Variants in SPIDR observed in about 807,000 individuals in gnomAD.
The protein encoded by SPIDR is scaffold protein involved in DNA repair.
SPIDR carries 93 observed loss-of-function variants against 104.6 expected under a neutral mutation model. That is an observed-to-expected ratio of 0.89 (90% CI 0.75 to 1.06). The LOEUF (loss-of-function observed/expected upper bound fraction) is 1.06, where lower values mean the gene tolerates loss of function less well. Ranked by LOEUF, SPIDR falls within the 50% of genes least tolerant of loss-of-function variation. The probability of loss-of-function intolerance (pLI) is 0.00; values close to 1 mark genes in which losing one functional copy is unlikely to be tolerated. For missense variants in SPIDR, 1,154 were observed against 1,111.2 expected (o/e 1.04, Z -0.55); for synonymous variants, 431 against 416.9 (o/e 1.03, Z -0.41).
intron 5 of SPIDR, among the ~76,000 whole-genome samples, chr8:47,354,788 C>T (rs934715057): frequency 1.3e-5 from 2 of 151,708 alleles, no homozygotes; most frequent in East Asian, 1.9e-4. Flanking sequence ...ACTGTAGGCA[C>T]GTACCACCAT....
At chr8:47,583,508 T>C (rs1410250389) in intron 8 of SPIDR, among the ~76,000 whole-genome samples, 2 of 152,178 alleles carry the variant, frequency 1.3e-5, no homozygotes, top group Non-Finnish European at 2.9e-5. Flanking sequence ...TTTTTGTTTG[T>C]CATATAACAT....
chr8:47,600,645 G>A (rs1378460783), intron 10 of SPIDR, among the ~76,000 whole-genome samples: 3 of 152,086 alleles, frequency 2.0e-5, no homozygotes, highest in Non-Finnish European at 4.4e-5. Context: ...TCTACCCTTT[G>A]CCCTAAATCT....
chr8:47,621,429 C>G (rs968020496), intron 10 of SPIDR, among the ~76,000 whole-genome samples: 5 of 152,192 alleles, frequency 3.3e-5, no homozygotes, highest in Admixed American at 6.5e-5. Context: ...TTGGCTGCCT[C>G]GTCTGTAGAT....
chr8:47,312,374 A>G (rs1554585998), intron 5 of SPIDR, among the ~76,000 whole-genome samples: 1 of 152,200 alleles, frequency 6.6e-6, no homozygotes, highest in Non-Finnish European at 1.5e-5. Flanking sequence ...CATCCTCTCC[A>G]GCACCTGTTG....
Position 47,440,424 on chromosome 8 carries a change from A to G in SPIDR, c.979A>G (p.Ser327Gly). 2 of 1,614,232 alleles carry G rather than the reference A, an allele frequency of 1.2e-6. No individual in the cohort carries two copies. The highest frequency in any genetic ancestry group is 1.7e-6 in the Non-Finnish European group (2 of 1,180,032). The change falls in exon 8 of 20, where the codon AGC (serine) becomes GGC (glycine). Residue 327 changes from serine (S) to glycine (G), a missense_variant. Physicochemically the swap from Ser to Gly is moderately conservative, Grantham distance 56. Transcript: ENST00000297423. ...GCAGTTATTGGGGTCACCAGCCACC[A>G]GCTCCTCCCAAAGTGTGGCTCCCAG... is the stretch of plus-strand genomic sequence containing the variant. Reference protein sequence around the residue: ...CEQLLGSPATSSSQSVAPRPG... With the variant: ...CEQLLGSPATGSSQSVAPRPG...
chr8:47,404,476 T>A (rs992305950), intron 6 of SPIDR, among the ~76,000 whole-genome samples: 1 of 152,134 alleles, frequency 6.6e-6, no homozygotes, highest in Non-Finnish European at 1.5e-5. Context: ...ATATCCAGAA[T>A]CTATAAAGAA....
intron 5 of SPIDR, among the ~76,000 whole-genome samples, chr8:47,358,025 C>A (rs150680151): frequency 6.6e-6 from 1 of 152,278 alleles, no homozygotes; most frequent in East Asian, 1.9e-4. Context: ...TTTTCCAGAC[C>A]TGTTAACCAG....
chr8:47,489,107 C>T (rs1403543309), intron 8 of SPIDR, among the ~76,000 whole-genome samples: 15 of 152,298 alleles, frequency 9.8e-5, no homozygotes, highest in South Asian at 2.1e-4. Context: ...AAAACCCCAT[C>T]GTCTCACCCC....
chr8:47,606,186 T>TA (rs2062922073), intron 10 of SPIDR, among the ~76,000 whole-genome samples: 1 of 152,094 alleles, frequency 6.6e-6, no homozygotes, highest in Admixed American at 6.5e-5. Context: ...ATGGTGCTGA[T>TA]ACTGTGGTTG....
At chr8:47,647,616 AAGAGAGAGAGAGAGAGAGAGAGAGAG>A (rs369414271) in intron 10 of SPIDR, among the ~76,000 whole-genome samples, 1 of 60,456 alleles carries the variant, frequency 1.7e-5, no homozygotes, top group Non-Finnish European at 3.5e-5. Flanking sequence ...TCCATCTCGA[AAGAGAGAGAGAGAGAGAGAGAGAGAG>A]AGAGAGAGAG....
chr8:47,518,093 G>A (rs770764099), intron 8 of SPIDR, among the ~76,000 whole-genome samples: 10 of 152,150 alleles, frequency 6.6e-5, no homozygotes, highest in Non-Finnish European at 1.3e-4. Context: ...TAAAGTAATT[G>A]TAGGCTATTC....
At chr8:47,286,457 C>G (rs1457325144) in intron 3 of SPIDR, among the ~76,000 whole-genome samples, 2 of 152,058 alleles carry the variant, frequency 1.3e-5, no homozygotes, top group African/African-American at 4.8e-5. Flanking sequence ...GTCTGTAGTC[C>G]CAGTTACTTG....
intron 8 of SPIDR, among the ~76,000 whole-genome samples, chr8:47,583,243 G>A (rs957381331): frequency 1.3e-5 from 2 of 149,184 alleles, no homozygotes; most frequent in African/African-American, 2.5e-5. Flanking sequence ...GAGGCGGAGC[G>A]TGCAGTGAGC....
intron 10 of SPIDR, among the ~76,000 whole-genome samples, chr8:47,649,919 TAAA>T (rs934701591): frequency 6.7e-4 from 102 of 152,230 alleles, no homozygotes; most frequent in African/African-American, 1.9e-3. Context: ...CCCTTTATGA[TAAA>T]AACTCTCCAC....
At chr8:47,726,151 C>CT (rs2084206713) in intron 16 of SPIDR, among the ~76,000 whole-genome samples, 1 of 152,248 alleles carries the variant, frequency 6.6e-6, no homozygotes, top group Non-Finnish European at 1.5e-5. Flanking sequence ...CTTTTCATCC[C>CT]TTTGACCCAC....
At chr8:47,522,805 T>C (rs956689297) in intron 8 of SPIDR, among the ~76,000 whole-genome samples, 11 of 152,186 alleles carry the variant, frequency 7.2e-5, no homozygotes, top group Non-Finnish European at 1.5e-4. Flanking sequence ...ATAGGTTTTA[T>C]TTTTTCATTA....
At chr8:47,385,042 C>T (rs1554647335) in intron 5 of SPIDR, among the ~76,000 whole-genome samples, 1 of 151,968 alleles carries the variant, frequency 6.6e-6, no homozygotes, top group African/African-American at 2.4e-5. Context: ...TCCTTTTATA[C>T]TCTCTACTTT....
At chr8:47,482,992 C>G (rs2077071180) in intron 8 of SPIDR, among the ~76,000 whole-genome samples, 1 of 152,230 alleles carries the variant, frequency 6.6e-6, no homozygotes, top group South Asian at 2.1e-4. Context: ...TGCCCCCTCC[C>G]CAAGGAAAGG....
chr8:47,654,169 C>T, intron 10 of SPIDR: 1 of 1,289,722 alleles, frequency 7.8e-7, no homozygotes, highest in Non-Finnish European at 1.0e-6. Flanking sequence ...ATGATTAACT[C>T]TATTCGATAA....
Sources: gnomAD v4.1 joint callset for allele counts (sites outside exome capture counted in the v4.1 genomes callset) on GRCh38, gnomAD v4.1.1 for gene constraint, MANE v1.5 for transcripts, NCBI Gene and HGNC (gene_info 2026-07-23, HGNC 2026-07-21) for gene names.